Variants in CACNB4 observed in about 807,000 individuals in gnomAD.
CACNB4 encodes voltage-dependent L-type calcium channel subunit beta-4.
A neutral mutation model predicts 71.2 loss-of-function variants in CACNB4; 32 were observed. The observed-to-expected ratio is 0.45, with a 90% confidence interval of 0.34 to 0.60. CACNB4 has a LOEUF of 0.60. Ranked by LOEUF, CACNB4 falls within the 20% of genes least tolerant of loss-of-function variation. The pLI, the probability that CACNB4 is intolerant of heterozygous loss-of-function variation, is 0.01. For missense variants in CACNB4, 464 were observed against 647.9 expected, an observed-to-expected ratio of 0.72 and a Z score of 3.08; for synonymous variants, 231 against 236.9, an observed-to-expected ratio of 0.97 and a Z score of 0.23.
intron 5 of CACNB4, among the ~76,000 whole-genome samples, chr2:151,875,819 G>A (rs1487436154): frequency 7.2e-6 from 1 of 139,396 alleles, no homozygotes; most frequent in Non-Finnish European, 1.6e-5. Flanking sequence ...CCTCCCTCCC[G>A]GACGGGGCGT....
chr2:152,076,759 C>G (rs1687054694), intron 2 of CACNB4, among the ~76,000 whole-genome samples: 1 of 152,180 alleles, frequency 6.6e-6, no homozygotes, highest in African/African-American at 2.4e-5. Flanking sequence ...GTTCAATTTT[C>G]AGTTAATATT....
intron 2 of CACNB4, among the ~76,000 whole-genome samples, chr2:152,089,010 T>C (rs1687823619): frequency 6.6e-6 from 1 of 152,224 alleles, no homozygotes; most frequent in Non-Finnish European, 1.5e-5. Flanking sequence ...TAAAATTGAA[T>C]CTATAATTCA....
intron 2 of CACNB4, chr2:151,973,530 C>A: frequency 2.7e-6 from 2 of 743,272 alleles, no homozygotes; most frequent in Non-Finnish European, 4.5e-6. Context: ...ACACAGCAGC[C>A]AGCAAGCCCC....
chr2:151,839,954 C>G (rs2099835752), intron 13 of CACNB4, among the ~76,000 whole-genome samples: 1 of 152,046 alleles, frequency 6.6e-6, no homozygotes, highest in South Asian at 2.1e-4. Context: ...ATTATGAAGC[C>G]AGCTAATTGA....
At position 152,098,786 on chromosome 2, in the gene CACNB4, G is replaced by A; in HGVS notation, c.63+163C>T. ...GAGAAGGAGGAGAAAGAGGAGGAGC[G>A]GGAGGAGAAAGGGACGTGGAGGAGG... On this transcript the variant is annotated intron_variant, in intron 1 of 13. Coordinates refer to ENST00000539935, the MANE Select transcript of CACNB4 (RefSeq NM_000726.5). The surrounding 1 kb of genome is among the most constrained non-coding windows in gnomAD (Gnocchi z 5.3). The A allele has an allele frequency of 1.6e-6, 2 of 1,234,530 alleles. No homozygotes were observed. Among genetic ancestry groups the A allele is most frequent in the East Asian group, 2.6e-5 (1 of 38,742 alleles). The allele number at this position is 1,234,530 out of a possible 1,614,324, so 76.5% of individuals were successfully genotyped here. A position where few individuals can be genotyped will look rare whatever the true frequency, so the allele number is the denominator to read the frequency against.
chr2:151,851,174 A>G (rs1578458853), intron 12 of CACNB4: 1 of 152,332 alleles, frequency 6.6e-6, no homozygotes, highest in East Asian at 1.9e-4. Context: ...TATGGTCTTG[A>G]AGTAAAGCAG....
intron 2 of CACNB4, among the ~76,000 whole-genome samples, chr2:152,010,920 G>GGAGA (rs1253712403): frequency 1.3e-5 from 2 of 152,296 alleles, no homozygotes; most frequent in East Asian, 3.9e-4. Context: ...AGATGGTGAG[G>GGAGA]GAGAAAACGT....
In CACNB4 at chr2:152,098,538, A is replaced by G. The variant is rs1688409845; in HGVS notation, c.64-125T>C. 12 of 1,361,212 alleles carry G rather than the reference A, an allele frequency of 8.8e-6. No homozygotes were observed. The highest frequency in any genetic ancestry group is 1.2e-5 in the Non-Finnish European group (12 of 964,574). 84.3% of individuals were successfully genotyped at this position (1,361,212 alleles called of 1,614,324 possible). On this transcript the variant is annotated intron_variant, in intron 1 of 13. Coordinates refer to ENST00000539935, the MANE Select transcript of CACNB4 (RefSeq NM_000726.5). The surrounding 1 kb of genome is among the most constrained non-coding windows in gnomAD (Gnocchi z 5.3). ...TGGGGTCCCCTAGAGCCCGCACCCAAGTCTCCTCCGCGACTCCCAAATACA... is the reference window on the plus strand; with the variant it reads ...TGGGGTCCCCTAGAGCCCGCACCCAGGTCTCCTCCGCGACTCCCAAATACA...
intron 2 of CACNB4, among the ~76,000 whole-genome samples, chr2:152,029,706 G>A (rs1446560370): frequency 2.0e-5 from 3 of 152,002 alleles, no homozygotes; most frequent in African/African-American, 7.3e-5. Flanking sequence ...GGGCCTTTAG[G>A]AGGTGCTTAG....
chr2:152,014,156 G>A (rs897774652), intron 2 of CACNB4, among the ~76,000 whole-genome samples: 12 of 152,146 alleles, frequency 7.9e-5, no homozygotes, highest in Non-Finnish European at 1.3e-4. Context: ...AAACCAGCCT[G>A]GCCAACATGG....
intron 2 of CACNB4, among the ~76,000 whole-genome samples, chr2:151,960,441 C>T (rs1246107414): frequency 6.6e-6 from 1 of 152,160 alleles, no homozygotes; most frequent in Non-Finnish European, 1.5e-5. Flanking sequence ...AAATCTACTT[C>T]CCCCGAGTTC....
At chr2:151,936,627 A>G (rs2099862983) in intron 2 of CACNB4, among the ~76,000 whole-genome samples, 1 of 152,314 alleles carries the variant, frequency 6.6e-6, no homozygotes, top group South Asian at 2.1e-4. Context: ...TTCCTTGGTC[A>G]TTTGCCTATC....
intron 2 of CACNB4, among the ~76,000 whole-genome samples, chr2:151,926,167 G>A (rs1204150259): frequency 6.6e-6 from 1 of 152,188 alleles, no homozygotes; most frequent in Non-Finnish European, 1.5e-5. Flanking sequence ...GAAGGACTGA[G>A]TGCTGGGTCT....
intron 2 of CACNB4, among the ~76,000 whole-genome samples, chr2:152,070,110 TG>T (rs767057064): frequency 6.6e-6 from 1 of 152,194 alleles, no homozygotes; most frequent in Non-Finnish European, 1.5e-5. Context: ...CCCAAAGTGC[TG>T]GGATTACAGG....
chr2:152,049,452 G>A (rs1685306192), intron 2 of CACNB4, among the ~76,000 whole-genome samples: 1 of 152,078 alleles, frequency 6.6e-6, no homozygotes, highest in Admixed American at 6.5e-5. Flanking sequence ...CACCCGGCCT[G>A]CATTCTCTTT....
chr2:152,023,402 G>A (rs186380035), intron 2 of CACNB4, among the ~76,000 whole-genome samples: 46 of 150,064 alleles, frequency 3.1e-4, no homozygotes, highest in African/African-American at 8.8e-4. Flanking sequence ...AAGAGAATGC[G>A]CTCTGGATAA....
chr2:151,922,032 A>G (rs779147891), intron 2 of CACNB4, among the ~76,000 whole-genome samples: 1 of 152,086 alleles, frequency 6.6e-6, no homozygotes, highest in Non-Finnish European at 1.5e-5. Flanking sequence ...CTAATACAAT[A>G]TTCAAAAAAG....
At chr2:152,089,685 A>G (rs941644128) in intron 2 of CACNB4, among the ~76,000 whole-genome samples, 1 of 151,910 alleles carries the variant, frequency 6.6e-6, no homozygotes, top group African/African-American at 2.4e-5. Flanking sequence ...TAATCCCAAC[A>G]CTTTGGGAGG....
chr2:152,080,360 AT>A (rs561813845), intron 2 of CACNB4, among the ~76,000 whole-genome samples: 8 of 152,012 alleles, frequency 5.3e-5, no homozygotes, highest in Admixed American at 1.3e-4. Context: ...TGACCTCGTG[AT>A]CCCCCTGCCT....
Sources: allele counts gnomAD v4.1 joint callset (sites outside exome capture counted in the v4.1 genomes callset), GRCh38; gene constraint gnomAD v4.1.1; non-coding constraint Gnocchi (gnomAD v3.1); transcripts MANE v1.5; gene names NCBI Gene and HGNC (gene_info 2026-07-23, HGNC 2026-07-21).